Variants in MDGA2 observed in about 807,000 individuals in gnomAD.
MDGA2 encodes MAM domain containing glycosylphosphatidylinositol anchor 2.
A neutral mutation model predicts 117.8 loss-of-function variants in MDGA2; 40 were observed. That is an observed-to-expected ratio of 0.34 (90% CI 0.26 to 0.44). The LOEUF (loss-of-function observed/expected upper bound fraction) is 0.44. MDGA2 is among the 20% of genes least tolerant of loss of function. The pLI is 1.00. For missense variants in MDGA2, 1,123 were observed against 1,250.6 expected, an observed-to-expected ratio of 0.90 and a Z score of 1.54; for synonymous variants, 452 against 439.0, an observed-to-expected ratio of 1.03 and a Z score of -0.37.
intron 2 of MDGA2, among the ~76,000 whole-genome samples, chr14:47,289,408 C>T (rs906802709): frequency 2.0e-5 from 3 of 150,462 alleles, no homozygotes; most frequent in Non-Finnish European, 4.4e-5. Flanking sequence ...ATTTGATTAT[C>T]ATTTCATGAT....
At chr14:47,401,047 G>A (rs945116123) in intron 1 of MDGA2, among the ~76,000 whole-genome samples, 7 of 151,378 alleles carry the variant, frequency 4.6e-5, no homozygotes, top group Non-Finnish European at 1.0e-4. Flanking sequence ...GTGAGCCACC[G>A]TGCCCGGCCG....
At chr14:47,140,810 T>C (rs888926320) in intron 4 of MDGA2, among the ~76,000 whole-genome samples, 1 of 151,998 alleles carries the variant, frequency 6.6e-6, no homozygotes, top group Non-Finnish European at 1.5e-5. Context: ...AACAGAATTA[T>C]ATTGAACTAA....
chr14:47,238,595 T>G (rs10131498), intron 2 of MDGA2, among the ~76,000 whole-genome samples: 33,576 of 151,386 alleles, frequency 0.22, 4,764 homozygotes, highest in East Asian at 0.45. Context: ...CATTATTAAT[T>G]AAAATGTTTG....
In MDGA2 at chr14:47,620,194, A is replaced by T. The variant is rs147917995; in HGVS notation, c.280+54323T>A. The stretch of plus-strand genomic sequence containing the variant: ...ATAAAGGAATGCTCAATGGCAACAG[A>T]ATATTTTATCAAACTATGAATCACT... On this transcript the variant is annotated intron_variant, in intron 1 of 16. Transcript: ENST00000399232. Among the ~76,000 whole-genome samples the T allele has an allele frequency of 1.7e-3, 265 of 152,370 alleles. 2 individuals carry two copies. The highest frequency in any genetic ancestry group is 6.1e-3 in the African/African-American group (253 of 41,592).
At chr14:47,003,135 G>A (rs1887590063) in intron 8 of MDGA2, among the ~76,000 whole-genome samples, 1 of 152,074 alleles carries the variant, frequency 6.6e-6, no homozygotes, top group South Asian at 2.1e-4. Context: ...CTTCTTCCAT[G>A]AAGAATAACT....
At chr14:46,954,050 C>A (rs1885467820) in intron 9 of MDGA2, among the ~76,000 whole-genome samples, 1 of 151,926 alleles carries the variant, frequency 6.6e-6, no homozygotes, top group African/African-American at 2.4e-5. Context: ...GTTGAAGCAT[C>A]CCTTGGGGTT....
At chr14:47,118,689 G>T (rs951068278) in intron 5 of MDGA2, among the ~76,000 whole-genome samples, 1 of 152,082 alleles carries the variant, frequency 6.6e-6, no homozygotes, top group Non-Finnish European at 1.5e-5. Context: ...ACTCTCCAAT[G>T]ACTTGAAAGT....
At chr14:47,296,088 A>C (rs1348010280) in intron 2 of MDGA2, among the ~76,000 whole-genome samples, 1 of 152,162 alleles carries the variant, frequency 6.6e-6, no homozygotes, top group Non-Finnish European at 1.5e-5. Context: ...GAAGCTGTGC[A>C]GTGGAATATT....
chr14:47,296,624 T>C (rs190525853), intron 2 of MDGA2, among the ~76,000 whole-genome samples: 53 of 151,898 alleles, frequency 3.5e-4, no homozygotes, highest in African/African-American at 1.3e-3. Context: ...TTGACAAAAA[T>C]AAAAAAAATA....
intron 5 of MDGA2, among the ~76,000 whole-genome samples, chr14:47,119,710 G>C (rs560903091): frequency 6.6e-6 from 1 of 152,234 alleles, no homozygotes; most frequent in South Asian, 2.1e-4. Flanking sequence ...GAATTAGAAA[G>C]ACATATTAAG....
chr14:46,977,558 C>A (rs2138363175), intron 8 of MDGA2, among the ~76,000 whole-genome samples: 1 of 151,944 alleles, frequency 6.6e-6, no homozygotes, highest in East Asian at 1.9e-4. Context: ...ATTGGCCTCC[C>A]AGAAATGTAG....
intron 1 of MDGA2, among the ~76,000 whole-genome samples, chr14:47,316,180 T>C (rs1262441121): frequency 6.6e-6 from 1 of 152,108 alleles, no homozygotes; most frequent in Non-Finnish European, 1.5e-5. Flanking sequence ...GGACTTACCA[T>C]ACTTTCTGGC....
At chr14:47,347,410 T>A (rs1890784555) in intron 1 of MDGA2, among the ~76,000 whole-genome samples, 1 of 152,142 alleles carries the variant, frequency 6.6e-6, no homozygotes, top group Admixed American at 6.5e-5. Context: ...CATGTTTTGA[T>A]GGTAGAATTT....
chr14:47,516,666 A>C (rs535495341), intron 1 of MDGA2, among the ~76,000 whole-genome samples: 1 of 152,282 alleles, frequency 6.6e-6, no homozygotes, highest in East Asian at 1.9e-4. Context: ...TGGGAAGCTG[A>C]CCTGGACATT....
intron 1 of MDGA2, among the ~76,000 whole-genome samples, chr14:47,473,059 G>A (rs1027984444): frequency 2.0e-5 from 3 of 152,142 alleles, no homozygotes; most frequent in Non-Finnish European, 4.4e-5. Flanking sequence ...GGAAAAACCT[G>A]CATGATCCAG....
At chr14:47,119,162 T>C (rs1208791330) in intron 5 of MDGA2, among the ~76,000 whole-genome samples, 2 of 57,390 alleles carry the variant, frequency 3.5e-5, no homozygotes, top group East Asian at 4.7e-4. Flanking sequence ...GCCATTCTCC[T>C]GCCTCAGCCC....
chr14:47,576,701 A>G (rs1298192094), intron 1 of MDGA2, among the ~76,000 whole-genome samples: 1 of 152,190 alleles, frequency 6.6e-6, no homozygotes, highest in Non-Finnish European at 1.5e-5. Flanking sequence ...CATTTAACTG[A>G]TAACTTCTTT....
At chr14:46,940,004 G>A (rs1291884503) in intron 9 of MDGA2, among the ~76,000 whole-genome samples, 1 of 152,132 alleles carries the variant, frequency 6.6e-6, no homozygotes, top group Admixed American at 6.5e-5. Flanking sequence ...TTCAAGAAAG[G>A]AGCTTTTCTC....
At chr14:47,165,377 G>A (rs1264786908) in intron 3 of MDGA2, among the ~76,000 whole-genome samples, 1 of 152,176 alleles carries the variant, frequency 6.6e-6, no homozygotes, top group Non-Finnish European at 1.5e-5. Context: ...TTCTAGTTCA[G>A]GCTTGATATC....
Sources: allele counts gnomAD v4.1 joint callset (sites outside exome capture counted in the v4.1 genomes callset), GRCh38; gene constraint gnomAD v4.1.1; transcripts MANE v1.5; gene names NCBI Gene and HGNC (gene_info 2026-07-23, HGNC 2026-07-21).